Variants in TSHZ2 observed in about 807,000 individuals in gnomAD.
TSHZ2 encodes teashirt zinc finger homeobox 2, also known as teashirt homolog 2.
In TSHZ2, 21 loss-of-function variants were observed where a neutral mutation model predicts 74.4. The observed-to-expected ratio is 0.28, with a 90% confidence interval of 0.20 to 0.41. The LOEUF is 0.41. Ranked by LOEUF, TSHZ2 falls within the 10% of genes least tolerant of loss-of-function variation. TSHZ2 has a pLI of 1.00. For missense variants in TSHZ2, 1,244 were observed against 1,293.5 expected (o/e 0.96, Z 0.59); for synonymous variants, 540 against 515.3 (o/e 1.05, Z -0.65).
chr20:53,012,745 C>T (rs1394828810), intron 1 of TSHZ2, among the ~76,000 whole-genome samples: 2 of 152,110 alleles, frequency 1.3e-5, no homozygotes, highest in Non-Finnish European at 2.9e-5. Context: ...CACAAGTACA[C>T]TTTTTGGGAA....
chr20:53,428,295 T>C (rs1326453256), intron 2 of TSHZ2, among the ~76,000 whole-genome samples: 1 of 152,226 alleles, frequency 6.6e-6, no homozygotes, highest in Non-Finnish European at 1.5e-5. Context: ...CTTTAACAAT[T>C]GTGCTGAAAT....
intron 1 of TSHZ2, 149 bp downstream of exon 1, chr20:52,973,482 C>G (rs1464472758): frequency 1.9e-6 from 2 of 1,045,526 alleles, no homozygotes; most frequent in Admixed American, 5.2e-5. Context: ...TCCTCTCTCG[C>G]CTTCTCTGGT....
chr20:53,225,523 C>T (rs531192542), intron 1 of TSHZ2, among the ~76,000 whole-genome samples: 1 of 152,288 alleles, frequency 6.6e-6, no homozygotes. Flanking sequence ...AGGGAATGTT[C>T]GTATTGATGC....
At chr20:53,115,390 G>A (rs1986641335) in intron 1 of TSHZ2, among the ~76,000 whole-genome samples, 1 of 152,082 alleles carries the variant, frequency 6.6e-6, no homozygotes, top group Non-Finnish European at 1.5e-5. Context: ...TAAGTCTCAT[G>A]GGATCTGATG....
chr20:53,463,145 A>G (rs1021470206), intron 2 of TSHZ2, among the ~76,000 whole-genome samples: 3 of 152,136 alleles, frequency 2.0e-5, no homozygotes, highest in African/African-American at 7.2e-5. Context: ...TGTACATAAG[A>G]TTTGCTGCCT....
At chr20:53,461,294 AC>A (rs1292324417) in intron 2 of TSHZ2, among the ~76,000 whole-genome samples, 1 of 152,172 alleles carries the variant, frequency 6.6e-6, no homozygotes, top group Non-Finnish European at 1.5e-5. Flanking sequence ...GGTGGGAGTG[AC>A]CCGATTTCCA....
At chr20:53,219,095 T>C (rs1989497538) in intron 1 of TSHZ2, among the ~76,000 whole-genome samples, 1 of 152,242 alleles carries the variant, frequency 6.6e-6, no homozygotes, top group Non-Finnish European at 1.5e-5. Context: ...GCTTTTACTG[T>C]GTCTCCCCCT....
chr20:53,480,440 G>A (rs180996627), intron 2 of TSHZ2, among the ~76,000 whole-genome samples: 167 of 151,778 alleles, frequency 1.1e-3, no homozygotes, highest in South Asian at 4.0e-3. Flanking sequence ...GGTGGCATGC[G>A]CCTGTAGTAC....
At chr20:53,244,609 A>G (rs1324513696) in intron 1 of TSHZ2, among the ~76,000 whole-genome samples, 2 of 152,140 alleles carry the variant, frequency 1.3e-5, no homozygotes, top group African/African-American at 4.8e-5. Context: ...TATACGCTGG[A>G]CTGAAATTCC....
intron 1 of TSHZ2, among the ~76,000 whole-genome samples, chr20:53,236,158 T>C (rs1364991593): frequency 6.6e-6 from 1 of 152,214 alleles, no homozygotes; most frequent in Non-Finnish European, 1.5e-5. Context: ...TTTTAAAAAT[T>C]TGACCTGCCT....
At chr20:53,167,615 G>C (rs1988093345) in intron 1 of TSHZ2, among the ~76,000 whole-genome samples, 1 of 151,918 alleles carries the variant, frequency 6.6e-6, no homozygotes, top group African/African-American at 2.4e-5. Flanking sequence ...GTTTAATAAG[G>C]GACTCTAGGT....
chr20:53,356,524 G>A (rs1476902076), intron 2 of TSHZ2, among the ~76,000 whole-genome samples: 3 of 152,130 alleles, frequency 2.0e-5, no homozygotes, highest in Non-Finnish European at 4.4e-5. Context: ...ATTTTGCACT[G>A]CATCTCACAA....
rs149471983 is a variant in TSHZ2 at position 52,984,374 on chromosome 20, G to C, written c.40+11041G>C. On this transcript the variant is annotated intron_variant, in intron 1 of 2. Coordinates refer to ENST00000371497, the MANE Select transcript of TSHZ2 (RefSeq NM_173485.6). ...TGTTTGCAGGGGTAGAGCATGACAGGAAGTGGCTGTTTTGGATAAGACGAT... is the reference window on the plus strand; with the variant it reads ...TGTTTGCAGGGGTAGAGCATGACAGCAAGTGGCTGTTTTGGATAAGACGAT... Among the ~76,000 whole-genome samples the C allele has an allele frequency of 5.8e-3, 883 of 152,292 alleles. 8 individuals are homozygous for C. The highest frequency in any genetic ancestry group is 0.02 in the African/African-American group (821 of 41,550).
chr20:53,257,782 G>A lies in TSHZ2; in HGVS notation c.*8+1211G>A, dbSNP rs140470627. ...TCCAGTTGACGTCATGTTAAGTTACGGATTTGCTCCTAGTTAATTAGCTCT... is the reference window on the plus strand; with the variant it reads ...TCCAGTTGACGTCATGTTAAGTTACAGATTTGCTCCTAGTTAATTAGCTCT... On this transcript the variant is annotated intron_variant, in intron 2 of 2. Transcript: ENST00000371497. 3.3e-4 allele frequency among the ~76,000 whole-genome samples: 50 copies of A among 152,230 alleles called. No homozygotes were observed. In the East Asian group the frequency reaches 6.6e-3, roughly 20 times the overall value.
intron 1 of TSHZ2, among the ~76,000 whole-genome samples, chr20:53,043,150 A>G (rs1984106561): frequency 6.6e-6 from 1 of 152,242 alleles, no homozygotes; most frequent in African/African-American, 2.4e-5. Flanking sequence ...ATAAAGGTGA[A>G]TGTAAATTTG....
intron 1 of TSHZ2, among the ~76,000 whole-genome samples, chr20:53,099,054 A>G (rs964550161): frequency 6.6e-6 from 1 of 152,146 alleles, no homozygotes; most frequent in Non-Finnish European, 1.5e-5. Flanking sequence ...GGTCCTACAT[A>G]TAATTCTAGT....
At chr20:53,270,856 C>A (rs1990820339) in intron 2 of TSHZ2, among the ~76,000 whole-genome samples, 1 of 152,146 alleles carries the variant, frequency 6.6e-6, no homozygotes, top group African/African-American at 2.4e-5. Context: ...ATTTCACAGT[C>A]AAATAATTCT....
At chr20:53,136,636 C>T (rs571291842) in intron 1 of TSHZ2, among the ~76,000 whole-genome samples, 31 of 152,342 alleles carry the variant, frequency 2.0e-4, no homozygotes, top group Admixed American at 1.9e-3. Flanking sequence ...AACACTGGAA[C>T]TTCCCAGCAG....
intron 1 of TSHZ2, among the ~76,000 whole-genome samples, chr20:53,035,847 A>G (rs1246098359): frequency 6.6e-6 from 1 of 152,228 alleles, no homozygotes; most frequent in Non-Finnish European, 1.5e-5. Flanking sequence ...TACTACAAAG[A>G]TTAGAAGTGC....
Sources: allele counts gnomAD v4.1 joint callset (sites outside exome capture counted in the v4.1 genomes callset), GRCh38; gene constraint gnomAD v4.1.1; transcripts MANE v1.5; gene names NCBI Gene and HGNC (gene_info 2026-07-23, HGNC 2026-07-21).